IQSEC1: variants seen among roughly 807,000 people sequenced by gnomAD.
IQSEC1 encodes the protein IQ motif and SEC7 domain-containing protein 1.
A neutral mutation model predicts 91.0 loss-of-function variants in IQSEC1; 31 were observed. The observed-to-expected ratio is 0.34, with a 90% CI of 0.26 to 0.46. The LOEUF (loss-of-function observed/expected upper bound fraction) is 0.46, where lower values mean the gene tolerates loss of function less well. Among genes scored for constraint, IQSEC1 ranks in the 20% least tolerant of loss-of-function variants. IQSEC1 has a pLI of 1.00. For synonymous variants in IQSEC1, 699 were observed against 662.6 expected, an observed-to-expected ratio of 1.05 and a Z score of -0.84; for missense variants, 1,388 against 1,575.6, an observed-to-expected ratio of 0.88 and a Z score of 2.02.
chr3:13,019,628 C>T (rs1378608341), intron 1 of IQSEC1, among the ~76,000 whole-genome samples: 1 of 152,144 alleles, frequency 6.6e-6, no homozygotes, highest in Admixed American at 6.5e-5. Context: ...GGGTAGGGGT[C>T]GGGAGGGCAG....
At chr3:13,223,699 C>T (rs1335263108) in intron 1 of IQSEC1, among the ~76,000 whole-genome samples, 3 of 152,146 alleles carry the variant, frequency 2.0e-5, no homozygotes, top group Non-Finnish European at 2.9e-5. Context: ...GGGACCGCGG[C>T]GTCTGCAGAG....
At chr3:13,011,281 A>T (rs775291951) in intron 1 of IQSEC1, among the ~76,000 whole-genome samples, 1 of 152,204 alleles carries the variant, frequency 6.6e-6, no homozygotes, top group Non-Finnish European at 1.5e-5. Context: ...ACCGTTTCCC[A>T]TTTGGCTCAA....
At chr3:13,276,432 C>T (rs1024084537) in intron 1 of IQSEC1, among the ~76,000 whole-genome samples, 15 of 152,184 alleles carry the variant, frequency 9.9e-5, no homozygotes, top group Non-Finnish European at 4.4e-5. Context: ...TCCCCTGGAG[C>T]CACCACCTAA....
At chr3:12,933,404 T>G (rs1249265478) in intron 3 of IQSEC1, among the ~76,000 whole-genome samples, 1 of 152,158 alleles carries the variant, frequency 6.6e-6, no homozygotes, top group Non-Finnish European at 1.5e-5. Flanking sequence ...ACAGCCTGTG[T>G]GTAGAGCCCA....
At chr3:13,203,211 GCA>G (rs1166482881) in intron 1 of IQSEC1, among the ~76,000 whole-genome samples, 11 of 150,390 alleles carry the variant, frequency 7.3e-5, no homozygotes, top group Admixed American at 4.6e-4. Context: ...GCTCACACAT[GCA>G]CACACACACA....
intron 2 of IQSEC1, among the ~76,000 whole-genome samples, chr3:13,119,742 A>G (rs1706393352): frequency 6.6e-6 from 1 of 152,224 alleles, no homozygotes; most frequent in South Asian, 2.1e-4. Flanking sequence ...GCATGTAACG[A>G]TTGTGATGGA....
intron 1 of IQSEC1, among the ~76,000 whole-genome samples, chr3:12,958,427 T>C (rs1381332548): frequency 6.6e-6 from 1 of 152,112 alleles, no homozygotes; most frequent in East Asian, 1.9e-4. Context: ...TTCTCAGTCA[T>C]AAAATGGGAG....
intron 1 of IQSEC1, among the ~76,000 whole-genome samples, chr3:12,950,516 A>T (rs960909045): frequency 2.0e-5 from 3 of 152,122 alleles, no homozygotes; most frequent in Non-Finnish European, 4.4e-5. Flanking sequence ...AACATTTTTT[A>T]AAAATATTAG....
At chr3:12,966,999 C>G (rs1315592025) in intron 1 of IQSEC1, among the ~76,000 whole-genome samples, 1 of 152,126 alleles carries the variant, frequency 6.6e-6, no homozygotes, top group Non-Finnish European at 1.5e-5. Context: ...CGCTCTCCCT[C>G]CTGCCCCTCA....
intron 1 of IQSEC1, among the ~76,000 whole-genome samples, chr3:13,066,944 C>G (rs866980462): frequency 6.6e-6 from 1 of 152,242 alleles, no homozygotes; most frequent in African/African-American, 2.4e-5. Context: ...AATGAGCCAG[C>G]ATGCCTGGAG....
At chr3:13,048,259 T>A (rs538098264) in intron 1 of IQSEC1, among the ~76,000 whole-genome samples, 59 of 152,334 alleles carry the variant, frequency 3.9e-4, no homozygotes, top group African/African-American at 1.3e-3. Context: ...TTGTCTGCTC[T>A]GCCTGGCAGC....
rs1294526815 is a variant in IQSEC1 at position 12,992,784 on chromosome 3, T to C, written c.24-50919A>G. On this transcript the variant is annotated intron_variant, in intron 1 of 13. Transcript: ENST00000613206. The surrounding 1 kb of genome is among the most constrained non-coding windows in gnomAD (Gnocchi z 4.1). ...GGGGGAGGGGACACCCACTGTCACC[T>C]TTCTGCTCCCTTTGCTCCAGGAACA... Among the ~76,000 whole-genome samples the C allele has an allele frequency of 6.6e-6, 1 of 152,220 alleles. No homozygotes were observed. The highest frequency in any genetic ancestry group is 6.5e-5 in the Admixed American group (1 of 15,286).
chr3:13,137,860 A>G (rs546048402), intron 2 of IQSEC1, among the ~76,000 whole-genome samples: 2 of 152,342 alleles, frequency 1.3e-5, no homozygotes, highest in Admixed American at 1.3e-4. Context: ...TAAAATGCAC[A>G]TATATAATAT....
chr3:13,205,422 T>A (rs1349906752), intron 1 of IQSEC1, among the ~76,000 whole-genome samples: 4 of 152,048 alleles, frequency 2.6e-5, no homozygotes, highest in African/African-American at 9.7e-5. Context: ...GAAACGTTCC[T>A]GTTAGTCCCA....
chr3:13,002,564 A>G (rs1702465074), intron 1 of IQSEC1, among the ~76,000 whole-genome samples: 2 of 144,526 alleles, frequency 1.4e-5, no homozygotes, highest in Non-Finnish European at 3.0e-5. Flanking sequence ...AAAAAAAAAA[A>G]GGAACTGAGA....
At chr3:12,954,868 C>G (rs894483089) in intron 1 of IQSEC1, among the ~76,000 whole-genome samples, 4 of 152,228 alleles carry the variant, frequency 2.6e-5, no homozygotes, top group Admixed American at 6.5e-5. Flanking sequence ...GCCCCGCAGT[C>G]AGGATGGAAA....
chr3:13,161,024 A>G (rs548651370), intron 2 of IQSEC1, among the ~76,000 whole-genome samples: 1 of 152,276 alleles, frequency 6.6e-6, no homozygotes, highest in East Asian at 1.9e-4. Context: ...AAGCTCCAGA[A>G]AGGCAGCTGC....
upstream of IQSEC1, among the ~76,000 whole-genome samples, chr3:13,077,524 G>A (rs1460516053): frequency 6.6e-6 from 1 of 152,260 alleles, no homozygotes; most frequent in Non-Finnish European, 1.5e-5. Flanking sequence ...CTGGAAGACT[G>A]AATCATGGAA....
At chr3:13,227,949 C>A (rs895504712) in intron 1 of IQSEC1, among the ~76,000 whole-genome samples, 4 of 152,120 alleles carry the variant, frequency 2.6e-5, no homozygotes, top group Admixed American at 2.0e-4. Flanking sequence ...TGCCGAGGAC[C>A]CCCCACCATC....
Sources: gnomAD v4.1 joint callset for allele counts (sites outside exome capture counted in the v4.1 genomes callset) on GRCh38, gnomAD v4.1.1 for gene constraint, Gnocchi (gnomAD v3.1) non-coding constraint, MANE v1.5 for transcripts, NCBI Gene and HGNC (gene_info 2026-07-23, HGNC 2026-07-21) for gene names.